The following PPFIA2 variants were observed in gnomAD, a reference collection of about 807,000 sequenced individuals.
PPFIA2 encodes liprin-alpha-2.
PPFIA2 carries 46 observed loss-of-function variants against 175.5 expected under a neutral mutation model. The ratio of observed to expected loss-of-function variants is 0.26; its 90% CI spans 0.21 to 0.34. The LOEUF (loss-of-function observed/expected upper bound fraction) is 0.34, where lower values mean the gene tolerates loss of function less well. PPFIA2 is among the 10% of genes least tolerant of loss of function. The pLI is 1.00. For missense variants in PPFIA2, 1,179 were observed against 1,506.1 expected (o/e 0.78, Z 3.60); for synonymous variants, 568 against 511.4 (o/e 1.11, Z -1.49).
intron 7 of PPFIA2, among the ~76,000 whole-genome samples, chr12:81,411,909 T>C (rs576867312): frequency 3.9e-5 from 6 of 152,120 alleles, no homozygotes; most frequent in Admixed American, 3.9e-4. Flanking sequence ...GATTACAAAT[T>C]AGGTGATTTC....
At chr12:81,651,401 T>G (rs1274855016) in intron 4 of PPFIA2, among the ~76,000 whole-genome samples, 1 of 152,154 alleles carries the variant, frequency 6.6e-6, no homozygotes, top group African/African-American at 2.4e-5. Context: ...AACAAAACTT[T>G]TTTTTTCAAA....
intron 4 of PPFIA2, among the ~76,000 whole-genome samples, chr12:81,562,905 C>CT (rs2070486980): frequency 7.5e-6 from 1 of 133,136 alleles, no homozygotes; most frequent in Non-Finnish European, 1.6e-5. Flanking sequence ...ACAATAACTA[C>CT]TTACAGTGAA....
rs575413315 is a variant in PPFIA2, at chr12:81,368,642, C to T, written c.1482+83G>A. ...AAAACTAAGTAAATGGATCATCTGACCATTACAATGATTGCAGCTGTATAT... is the reference window on the plus strand; with the variant it reads ...AAAACTAAGTAAATGGATCATCTGATCATTACAATGATTGCAGCTGTATAT... On this transcript the variant is annotated intron_variant, in intron 13 of 32. Transcript: ENST00000549396. 3.8e-6 allele frequency: 5 copies of T among 1,330,814 alleles called. No homozygotes were observed. In the South Asian group the frequency reaches 7.9e-5, roughly 21 times the overall value. 82.4% of individuals were successfully genotyped at this position (1,330,814 alleles called of 1,614,324 possible).
At chr12:81,582,588 G>T (rs550216182) in intron 4 of PPFIA2, among the ~76,000 whole-genome samples, 73 of 151,708 alleles carry the variant, frequency 4.8e-4, no homozygotes, top group Middle Eastern at 6.8e-3. Flanking sequence ...ATCTACAATG[G>T]TTGATGTGCT....
At chr12:81,302,291 T>C (rs1594318063) in intron 22 of PPFIA2, 1 of 303,232 alleles carries the variant, frequency 3.3e-6, no homozygotes, top group African/African-American at 2.2e-5. Flanking sequence ...GTACTGATTC[T>C]AGCTGATCCC....
chr12:81,412,451 T>G (rs1029410116), intron 7 of PPFIA2, among the ~76,000 whole-genome samples: 1 of 151,998 alleles, frequency 6.6e-6, no homozygotes, highest in African/African-American at 2.4e-5. Flanking sequence ...AATTTGCTTC[T>G]TTTCATAAAC....
At chr12:81,412,992 T>C (rs1417841769) in intron 7 of PPFIA2, among the ~76,000 whole-genome samples, 1 of 151,870 alleles carries the variant, frequency 6.6e-6, no homozygotes, top group African/African-American at 2.4e-5. Context: ...AACTGCCTCT[T>C]AGTCACTTAG....
At chr12:81,652,099 T>C (rs534460818) in intron 4 of PPFIA2, among the ~76,000 whole-genome samples, 3 of 151,654 alleles carry the variant, frequency 2.0e-5, no homozygotes, top group Non-Finnish European at 4.4e-5. Flanking sequence ...TACATTTCTA[T>C]GAGTCTAAAA....
chr12:81,633,368 A>G lies in PPFIA2; in HGVS notation c.303+43423T>C, dbSNP rs74886948. 5.0e-3 allele frequency among the ~76,000 whole-genome samples: 764 copies of G among 152,222 alleles called. 3 individuals carry two copies. Among genetic ancestry groups the G allele is most frequent in the African/African-American group, 0.014 (585 of 41,584 alleles). ...CATGCTGGAGTCATGTGCTAGGTAC[A>G]GGGTTGGGTACTGGAGATTTGGTGA... On this transcript the variant is annotated intron_variant, in intron 4 of 32. Coordinates refer to ENST00000549396, the MANE Select transcript of PPFIA2 (RefSeq NM_003625.5).
At chr12:81,440,131 ACAGT>A in intron 6 of PPFIA2, 85 bp from the exon 7 acceptor site, 1 of 1,021,212 alleles carries the variant, frequency 9.8e-7, no homozygotes, top group Non-Finnish European at 1.4e-6. Context: ...ATCATCAGAG[ACAGT>A]CAATTTGGCA....
intron 4 of PPFIA2, among the ~76,000 whole-genome samples, chr12:81,543,745 T>C (rs563335793): frequency 9.3e-4 from 142 of 152,236 alleles, no homozygotes; most frequent in Middle Eastern, 6.8e-3. Flanking sequence ...AGCCAGGTGA[T>C]CAAGATTAAA....
intron 4 of PPFIA2, among the ~76,000 whole-genome samples, chr12:81,639,238 G>A (rs2153512901): frequency 6.6e-6 from 1 of 152,236 alleles, no homozygotes; most frequent in South Asian, 2.1e-4. Flanking sequence ...TAGTGTAGGA[G>A]TATGCTTAAC....
At chr12:81,665,953 T>C (rs1457449700) in intron 4 of PPFIA2, among the ~76,000 whole-genome samples, 3 of 151,954 alleles carry the variant, frequency 2.0e-5, no homozygotes, top group African/African-American at 2.4e-5. Flanking sequence ...GGGCGAAGGA[T>C]ATGAACAGAC....
intron 4 of PPFIA2, among the ~76,000 whole-genome samples, chr12:81,634,279 C>T (rs1389358696): frequency 2.6e-5 from 4 of 152,044 alleles, no homozygotes; most frequent in Non-Finnish European, 5.9e-5. Flanking sequence ...ACGTCCCCTC[C>T]ATTCTTTCTC....
chr12:81,381,985 C>T (rs2037821661), intron 9 of PPFIA2, among the ~76,000 whole-genome samples: 1 of 151,992 alleles, frequency 6.6e-6, no homozygotes, highest in Non-Finnish European at 1.5e-5. Context: ...GAAAAAAACC[C>T]TAGCTCTTAT....
At chr12:81,357,778 G>C (rs576083642) in intron 16 of PPFIA2, among the ~76,000 whole-genome samples, 14 of 152,168 alleles carry the variant, frequency 9.2e-5, no homozygotes, top group African/African-American at 3.4e-4. Context: ...CCATTACTTT[G>C]CTACCTGTGC....
chr12:81,508,483 T>C (rs1038181923), intron 4 of PPFIA2, among the ~76,000 whole-genome samples: 3 of 124,072 alleles, frequency 2.4e-5, no homozygotes. Flanking sequence ...ATCATGCCAT[T>C]GCACTCCAGC....
chr12:81,406,472 T>C (rs2042956015), intron 7 of PPFIA2, among the ~76,000 whole-genome samples: 1 of 152,086 alleles, frequency 6.6e-6, no homozygotes, highest in Non-Finnish European at 1.5e-5. Context: ...GTCCATTATT[T>C]TACCAAATTT....
chr12:81,560,891 T>C (rs2069916248), intron 4 of PPFIA2, among the ~76,000 whole-genome samples: 1 of 152,184 alleles, frequency 6.6e-6, no homozygotes, highest in Non-Finnish European at 1.5e-5. Context: ...TGATAATTTT[T>C]AATCTATTGA....
Sources: allele counts gnomAD v4.1 joint callset (sites outside exome capture counted in the v4.1 genomes callset), GRCh38; gene constraint gnomAD v4.1.1; transcripts MANE v1.5; gene names NCBI Gene and HGNC (gene_info 2026-07-23, HGNC 2026-07-21).